SRD5A2: variants seen among roughly 807,000 people sequenced by gnomAD.
SRD5A2 encodes the protein steroid 5 alpha-reductase 2, also known as 3-oxo-5-alpha-steroid 4-dehydrogenase 2.
Under a neutral mutation model 27.4 loss-of-function variants are expected in SRD5A2, and 30 were observed. The observed-to-expected ratio is 1.10, with a 90% CI of 0.82 to 1.49. The LOEUF is 1.49. Ranked by LOEUF, SRD5A2 falls within the 40% of genes most tolerant of loss-of-function variation. The pLI is 0.00. For synonymous variants in SRD5A2, 141 were observed against 133.6 expected, an observed-to-expected ratio of 1.06 and a Z score of -0.38; for missense variants, 348 against 323.4, an observed-to-expected ratio of 1.08 and a Z score of -0.58.
intron 1 of SRD5A2, among the ~76,000 whole-genome samples, chr2:31,546,204 A>G (rs1400556865): frequency 6.6e-6 from 1 of 152,122 alleles, no homozygotes; most frequent in Non-Finnish European, 1.5e-5. Context: ...AAAACAGTCC[A>G]CTATAAAATT....
chr2:31,556,328 G>A (rs1208967931), intron 1 of SRD5A2, among the ~76,000 whole-genome samples: 2 of 152,280 alleles, frequency 1.3e-5, no homozygotes, highest in East Asian at 1.9e-4. Context: ...ATGCCATCTT[G>A]TATAGTGGGT....
At chr2:31,625,485 T>A in the SRD5A2 span, among the ~76,000 whole-genome samples, 1 of 152,220 alleles carries the variant, frequency 6.6e-6, no homozygotes, top group African/African-American at 2.4e-5. Context: ...AGGGTTTTTA[T>A]GGTTTTAGGT....
the SRD5A2 span, among the ~76,000 whole-genome samples, chr2:31,621,792 A>AG: frequency 6.6e-6 from 1 of 151,726 alleles, no homozygotes. Context: ...ATATACCACC[A>AG]CCCCTGGCTA....
chr2:31,553,756 T>C (rs1282330533), intron 1 of SRD5A2, among the ~76,000 whole-genome samples: 1 of 152,142 alleles, frequency 6.6e-6, no homozygotes, highest in Non-Finnish European at 1.5e-5. Flanking sequence ...GTAAGCAATA[T>C]ATAAATATTA....
At chr2:31,628,656 G>A in the SRD5A2 span, among the ~76,000 whole-genome samples, 1 of 152,142 alleles carries the variant, frequency 6.6e-6, no homozygotes, top group Admixed American at 6.6e-5. Context: ...CCTCTTATAA[G>A]GCAGGTGTGT....
At chr2:31,529,241 G>A (rs377002020) in intron 4 of SRD5A2, 66 bp downstream of exon 4, 61 of 1,591,126 alleles carry the variant, frequency 3.8e-5, no homozygotes, top group Admixed American at 2.1e-4. Flanking sequence ...TTCCTCTGCG[G>A]GTTAAAAGCC....
chr2:31,618,841 C>CA, the SRD5A2 span, among the ~76,000 whole-genome samples: 2 of 151,552 alleles, frequency 1.3e-5, no homozygotes, highest in Admixed American at 6.6e-5. Context: ...ATGTTCTCAC[C>CA]AAAAAAAGCA....
chr2:31,574,696 C>T (rs1666921420), intron 1 of SRD5A2, among the ~76,000 whole-genome samples: 1 of 152,236 alleles, frequency 6.6e-6, no homozygotes. Context: ...CAAGTCCCCA[C>T]TTACATGTAG....
At chr2:31,546,219 T>A (rs1666252433) in intron 1 of SRD5A2, among the ~76,000 whole-genome samples, 1 of 151,422 alleles carries the variant, frequency 6.6e-6, no homozygotes, top group Non-Finnish European at 1.5e-5. Flanking sequence ...AAAATTCAAA[T>A]GGAATCTCAA....
At chr2:31,560,963 C>T (rs563827149) in intron 1 of SRD5A2, among the ~76,000 whole-genome samples, 1 of 152,102 alleles carries the variant, frequency 6.6e-6, no homozygotes, top group Non-Finnish European at 1.5e-5. Flanking sequence ...TGGGTGCCCT[C>T]CCTAAAATAT....
chr2:31,607,206 GAAGA>G, the SRD5A2 span, among the ~76,000 whole-genome samples: 1 of 151,896 alleles, frequency 6.6e-6, no homozygotes, highest in Non-Finnish European at 1.5e-5. Flanking sequence ...ACTAAAAGGA[GAAGA>G]AAGACCAATT....
the SRD5A2 span, among the ~76,000 whole-genome samples, chr2:31,605,495 G>A: frequency 4.8e-4 from 70 of 146,474 alleles, no homozygotes; most frequent in Non-Finnish European, 8.3e-4. Flanking sequence ...CATCTGAATA[G>A]ACACTTCTCA....
the SRD5A2 span, among the ~76,000 whole-genome samples, chr2:31,588,776 C>T: frequency 2.6e-5 from 4 of 152,122 alleles, no homozygotes; most frequent in African/African-American, 7.2e-5. Flanking sequence ...GCAGTGTGTA[C>T]ACTATTCTTG....
chr2:31,660,074 T>G, the SRD5A2 span, among the ~76,000 whole-genome samples: 2 of 152,094 alleles, frequency 1.3e-5, no homozygotes, highest in African/African-American at 4.8e-5. Flanking sequence ...TCTATAGAAT[T>G]TGATATTTTA....
intron 1 of SRD5A2, among the ~76,000 whole-genome samples, chr2:31,576,035 T>C (rs1401398339): frequency 6.6e-6 from 1 of 151,622 alleles, no homozygotes; most frequent in Non-Finnish European, 1.5e-5. Flanking sequence ...CCTAAAACCA[T>C]AAAAACCCTA....
At chr2:31,632,448 G>A in the SRD5A2 span, among the ~76,000 whole-genome samples, 1 of 152,234 alleles carries the variant, frequency 6.6e-6, no homozygotes, top group Non-Finnish European at 1.5e-5. Context: ...CACTGCCCCA[G>A]GGGACGAAGG....
upstream of SRD5A2, among the ~76,000 whole-genome samples, chr2:31,583,936 T>C (rs1667132272): frequency 6.6e-6 from 1 of 152,120 alleles, no homozygotes; most frequent in African/African-American, 2.4e-5. Context: ...GAGCCTTTAC[T>C]GTAGTTTCTG....
At chr2:31,612,260 G>T in the SRD5A2 span, among the ~76,000 whole-genome samples, 1 of 151,144 alleles carries the variant, frequency 6.6e-6, no homozygotes, top group Non-Finnish European at 1.5e-5. Context: ...CAGCCTGGGT[G>T]ACAGAGCAAG....
the SRD5A2 span, among the ~76,000 whole-genome samples, chr2:31,603,412 A>G: frequency 4.0e-5 from 6 of 150,700 alleles, no homozygotes; most frequent in Non-Finnish European, 8.9e-5. Context: ...ACAGAGGCTC[A>G]GGAGGAAAAG....
Sources: gnomAD v4.1 joint callset for allele counts (sites outside exome capture counted in the v4.1 genomes callset) on GRCh38, gnomAD v4.1.1 for gene constraint, MANE v1.5 for transcripts, NCBI Gene and HGNC (gene_info 2026-07-23, HGNC 2026-07-21) for gene names.